The following ALDH4A1 variants were observed in gnomAD, a reference collection of about 807,000 sequenced individuals.
ALDH4A1 encodes delta-1-pyrroline-5-carboxylate dehydrogenase, mitochondrial.
ALDH4A1 carries 46 observed loss-of-function variants against 70.5 expected under a neutral mutation model. The ratio of observed to expected loss-of-function variants is 0.65; its 90% CI spans 0.51 to 0.83. The LOEUF (loss-of-function observed/expected upper bound fraction) is 0.83, where lower values mean the gene tolerates loss of function less well. Ranked by LOEUF, ALDH4A1 falls within the 40% of genes least tolerant of loss-of-function variation. The pLI is 0.00. For synonymous variants in ALDH4A1, 323 were observed against 324.3 expected (o/e 1.00, Z 0.04); for missense variants, 749 against 766.5 (o/e 0.98, Z 0.27).
chr1:18,897,939 C>T (rs143048450), intron 1 of ALDH4A1, among the ~76,000 whole-genome samples: 2 of 152,240 alleles, frequency 1.3e-5, no homozygotes, highest in South Asian at 2.1e-4. Flanking sequence ...ATGACCTCTG[C>T]CAGGAAAGGG....
At chr1:18,897,506 A>G (rs1935663591) in intron 1 of ALDH4A1, among the ~76,000 whole-genome samples, 1 of 152,176 alleles carries the variant, frequency 6.6e-6, no homozygotes, top group Non-Finnish European at 1.5e-5. Flanking sequence ...TCTGGCCACT[A>G]TACTCCAGCC....
At chr1:18,890,226 C>T in intron 1 of ALDH4A1, 121 bp from the exon 2 acceptor site, 1 of 824,804 alleles carries the variant, frequency 1.2e-6, no homozygotes, top group Non-Finnish European at 2.0e-6. Flanking sequence ...AAATCCAATG[C>T]AACTAGAAAG....
chr1:18,889,602 T>A, intron 2 of ALDH4A1, 148 bp from the exon 3 acceptor site: 1 of 716,876 alleles, frequency 1.4e-6, no homozygotes, highest in East Asian at 2.7e-5. Context: ...TCAGAGAACA[T>A]GTGCTGCCCT....
chr1:18,899,271 G>C (rs1935721702), intron 1 of ALDH4A1, among the ~76,000 whole-genome samples: 1 of 152,208 alleles, frequency 6.6e-6, no homozygotes, highest in African/African-American at 2.4e-5. Context: ...GTGTGCTTTT[G>C]ATATTTTGAA....
At chr1:18,894,878 T>C (rs1935563922) in intron 1 of ALDH4A1, among the ~76,000 whole-genome samples, 1 of 149,602 alleles carries the variant, frequency 6.7e-6, no homozygotes, top group African/African-American at 2.5e-5. Context: ...TTTTTTTTTT[T>C]TTTTTTTTGG....
At chr1:18,876,831 G>A (rs1273587666) in intron 11 of ALDH4A1, among the ~76,000 whole-genome samples, 1 of 152,148 alleles carries the variant, frequency 6.6e-6, no homozygotes, top group African/African-American at 2.4e-5. Context: ...GCGTGTGGGT[G>A]GACTTATCGA....
chr1:18,877,334 C>T (rs1255058989), intron 10 of ALDH4A1, 79 bp from the exon 11 acceptor site: 19 of 1,555,506 alleles, frequency 1.2e-5, no homozygotes, highest in Non-Finnish European at 1.6e-5. Context: ...CACACCCCAG[C>T]CCCGGCTGCA....
At chr1:18,873,804 C>T (rs74056662) in intron 14 of ALDH4A1, among the ~76,000 whole-genome samples, 8,318 of 152,224 alleles carry the variant, frequency 0.055, 453 homozygotes, top group African/African-American at 0.14. Flanking sequence ...CCCTCGGTTC[C>T]GTGAGCTGTT....
chr1:18,879,337 G>A lies in ALDH4A1; in HGVS notation c.903C>T (p.Asn301=), dbSNP rs1934868440. Residue 301 remains asparagine (N), a synonymous_variant, in exon 9 of 15, where the codon AAC becomes AAT. Coordinates refer to ENST00000375341, the MANE Select transcript of ALDH4A1 (RefSeq NM_003748.4). ...GTGGGAAGGTGTGGAACCGGTCCAG[G>A]TTCTGGGCCACCTGCTTCCACAGGT... ...FKHLWKQVAQ[N]LDRFHTFPRL... 1 of 1,611,542 alleles carries A rather than the reference G, an allele frequency of 6.2e-7. No individual in the cohort carries two copies. Among genetic ancestry groups the A allele is most frequent in the Non-Finnish European group, 8.5e-7 (1 of 1,179,058 alleles).
intron 2 of ALDH4A1, 126 bp from the exon 3 acceptor site, chr1:18,889,580 G>C: frequency 2.4e-6 from 2 of 832,980 alleles, no homozygotes; most frequent in South Asian, 3.0e-5. Flanking sequence ...GGCCAGGCCA[G>C]GTCGGTGGCC....
At chr1:18,875,242 C>T (rs1328600672) in intron 13 of ALDH4A1, 140 bp downstream of exon 13, 9 of 1,417,932 alleles carry the variant, frequency 6.3e-6, no homozygotes, top group Non-Finnish European at 8.8e-6. Context: ...CGAGCCCTGG[C>T]TGCCTGTCTG....
At chr1:18,873,061 AG>A in intron 14 of ALDH4A1, 104 bp from the exon 15 acceptor site, 1 of 1,010,042 alleles carries the variant, frequency 9.9e-7, no homozygotes, top group Non-Finnish European at 1.5e-6. Flanking sequence ...TGTAGCGGCC[AG>A]CAGCGAGCCT....
At chr1:18,902,417 C>T in intron 1 of ALDH4A1, 45 bp downstream of exon 1, 2 of 1,303,334 alleles carry the variant, frequency 1.5e-6, no homozygotes, top group South Asian at 2.1e-5. Context: ...GGCTCCCGGG[C>T]CCCAGGCGCG....
Position 18,876,363 on chromosome 1 carries a change from C to T in ALDH4A1, c.1290G>A (p.Glu430=). The T allele has an allele frequency of 6.2e-7, 1 of 1,613,926 alleles. No homozygotes were observed. Among genetic ancestry groups the T allele is most frequent in the Middle Eastern group, 1.7e-4 (1 of 6,048 alleles). ...GGTCCTTGCTCTCCACGATGCAGGG[C>T]TCCACAAAGTAGCCCACGGAGTCAT... is the stretch of plus-strand genomic sequence containing the variant. ...KCDDSVGYFV[E]PCIVESKDPQ... is the part of the protein sequence containing the mutation. The change falls in exon 12 of 15, where the codon GAG becomes GAA. Residue 430 remains glutamate (E), a synonymous_variant. Coordinates refer to ENST00000375341, the MANE Select transcript of ALDH4A1 (RefSeq NM_003748.4).
chr1:18,890,632 G>A, intron 1 of ALDH4A1: 1 of 951,816 alleles, frequency 1.1e-6, no homozygotes, highest in Non-Finnish European at 1.3e-6. Flanking sequence ...TTGAGCCTGT[G>A]AGTTGCCTCC....
In ALDH4A1 at chr1:18,872,964, A is replaced by G. The variant is rs749261914; in HGVS notation, c.1580-7T>C. 4 of 1,611,488 alleles carry G rather than the reference A, an allele frequency of 2.5e-6. No homozygotes were observed. Among genetic ancestry groups the G allele is most frequent in the Non-Finnish European group, 1.7e-6 (2 of 1,177,968 alleles). ...CCTGGCTTGTCATTGGTTCCTGCGG[A>G]AAAGACACTTCTGTTTTTCTCTGAA... On this transcript the variant is annotated splice_polypyrimidine_tract_variant and splice_region_variant and intron_variant, in intron 14 of 14. Coordinates refer to ENST00000375341, the MANE Select transcript of ALDH4A1 (RefSeq NM_003748.4).
intron 11 of ALDH4A1, among the ~76,000 whole-genome samples, chr1:18,876,947 A>G (rs1390115106): frequency 6.6e-6 from 1 of 152,174 alleles, no homozygotes; most frequent in African/African-American, 2.4e-5. Context: ...TCACAAACAC[A>G]CGTGTACATG....
At chr1:18,889,328 G>A (rs1346894301) in intron 3 of ALDH4A1, 34 bp downstream of exon 3, 2 of 1,519,870 alleles carry the variant, frequency 1.3e-6, no homozygotes, top group South Asian at 1.2e-5. Context: ...ATATTCAGGG[G>A]AGGGGCTGAG....
At chr1:18,900,836 T>C (rs972966091) in intron 1 of ALDH4A1, 1 of 983,898 alleles carries the variant, frequency 1.0e-6, no homozygotes, top group Non-Finnish European at 1.2e-6. Context: ...TGATGGCAGA[T>C]CGTTTCCCAT....
Sources: allele counts gnomAD v4.1 joint callset (sites outside exome capture counted in the v4.1 genomes callset), GRCh38; gene constraint gnomAD v4.1.1; transcripts MANE v1.5; gene names NCBI Gene and HGNC (gene_info 2026-07-23, HGNC 2026-07-21).